The following GPR83 variants were observed in gnomAD, a reference collection of about 807,000 sequenced individuals.
The protein encoded by GPR83 is G protein-coupled receptor 83, also known as G-protein coupled receptor 72.
A neutral mutation model predicts 28.0 loss-of-function variants in GPR83; 23 were observed. The observed-to-expected ratio is 0.82, with a 90% confidence interval of 0.59 to 1.16. The LOEUF is 1.16. Ranked by LOEUF, GPR83 falls within the 50% of genes most tolerant of loss-of-function variation. The pLI is 0.00. For missense variants in GPR83, 610 were observed against 536.6 expected, an observed-to-expected ratio of 1.14 and a Z score of -1.35; for synonymous variants, 234 against 215.4, an observed-to-expected ratio of 1.09 and a Z score of -0.76.
intron 3 of GPR83, among the ~76,000 whole-genome samples, chr11:94,387,222 C>A (rs538442471): frequency 6.6e-6 from 1 of 151,980 alleles, no homozygotes; most frequent in Non-Finnish European, 1.5e-5. Flanking sequence ...ACAAGGGAAA[C>A]CAGGAAAGAT....
In GPR83 at chr11:94,388,197, C is replaced by A. The variant is rs537062473; in HGVS notation, c.647+5288G>T. 2.7e-4 allele frequency among the ~76,000 whole-genome samples: 41 copies of A among 152,268 alleles called. No individual in the cohort carries two copies. The East Asian group carries it at 7.5e-3, about 28-fold the overall frequency. ...TCAAAATAATAAGAGCTATCTATGA[C>A]AAACCCACAGCCAATATCATTCTGA... On this transcript the variant is annotated intron_variant, in intron 3 of 3. Coordinates refer to ENST00000243673, the MANE Select transcript of GPR83 (RefSeq NM_016540.4).
intron 3 of GPR83, among the ~76,000 whole-genome samples, chr11:94,383,723 A>T (rs1457263512): frequency 6.6e-6 from 1 of 152,254 alleles, no homozygotes; most frequent in Non-Finnish European, 1.5e-5. Context: ...CAAATAAACT[A>T]GAAAATCTAG....
rs757737851 is a variant in GPR83, at chr11:94,396,650, T to C, written c.388-126A>G. ...GCTCCTCCCTTCTTTCTGTCTATGA[T>C]ACTGAATTGTGGAGTAAACATGATT... is the stretch of plus-strand genomic sequence containing the variant. On this transcript the variant is annotated intron_variant, in intron 1 of 3. Coordinates refer to ENST00000243673, the MANE Select transcript of GPR83 (RefSeq NM_016540.4). 1.2e-5 allele frequency: 10 copies of C among 867,728 alleles called. No homozygotes were observed. In the Admixed American group the frequency reaches 1.2e-4, roughly 10 times the overall value. 53.8% of individuals were successfully genotyped at this position (867,728 alleles called of 1,614,324 possible). A position where few individuals can be genotyped will look rare whatever the true frequency, so the allele number is the denominator to read the frequency against.
At chr11:94,382,385 A>C (rs1944702199) in intron 3 of GPR83, among the ~76,000 whole-genome samples, 1 of 150,660 alleles carries the variant, frequency 6.6e-6, no homozygotes, top group Non-Finnish European at 1.5e-5. Context: ...TTACAATCCT[A>C]ATCTCTGATA....
intron 3 of GPR83, among the ~76,000 whole-genome samples, chr11:94,382,343 CAAAAAAAAAA>C (rs57302833): frequency 3.0e-5 from 2 of 67,302 alleles, no homozygotes; most frequent in Admixed American, 3.7e-4. Context: ...AACACCATCT[CAAAAAAAAAA>C]AAAAAAAAAA....
At position 94,401,051 on chromosome 11, in the gene GPR83, T is replaced by C. The variant is rs750479855; in HGVS notation, c.197A>G (p.Gln66Arg). Residue 66 changes from glutamine (Q) to arginine (R), a missense_variant, in exon 1 of 4, where the codon CAG (glutamine) becomes CGG (arginine). Gln to Arg is a conservative substitution (Grantham distance 43). Coordinates refer to ENST00000243673, the MANE Select transcript of GPR83 (RefSeq NM_016540.4). ...GAGCAGGGCTTTCACCGTGGGGTTC[T>C]GGGACTCAGCGCCGTAGCGCCTCCT... ...VGRRRYGAES[Q>R]NPTVKALLIV... is the part of the protein sequence containing the mutation. 1.9e-6 allele frequency: 3 copies of C among 1,614,210 alleles called. No homozygotes were observed. The highest frequency in any genetic ancestry group is 1.7e-5 in the Admixed American group (1 of 60,034).
chr11:94,380,857 CCT>C (rs1944680239), intron 3 of GPR83, 84 bp from the exon 4 acceptor site: 1 of 1,220,242 alleles, frequency 8.2e-7, no homozygotes, highest in Non-Finnish European at 1.1e-6. Flanking sequence ...GAAGCACTGG[CCT>C]CTCCTTCCAC....
chr11:94,388,568 TC>T, intron 3 of GPR83, among the ~76,000 whole-genome samples: 1 of 152,278 alleles, frequency 6.6e-6, no homozygotes, highest in South Asian at 2.1e-4. Context: ...GAACTCCCAT[TC>T]ACAATTGCTT....
At chr11:94,392,642 C>A (rs560153480) in intron 3 of GPR83, among the ~76,000 whole-genome samples, 1 of 151,858 alleles carries the variant, frequency 6.6e-6, no homozygotes, top group Admixed American at 6.6e-5. Flanking sequence ...CTGGCCAATA[C>A]GGTGAAACCC....
intron 3 of GPR83, among the ~76,000 whole-genome samples, 173 bp downstream of exon 3, chr11:94,393,312 C>G (rs1317761065): frequency 2.0e-5 from 3 of 152,152 alleles, no homozygotes; most frequent in African/African-American, 7.2e-5. Context: ...ATGTAGAGGA[C>G]AGGCATGGAC....
intron 3 of GPR83, among the ~76,000 whole-genome samples, 187 bp downstream of exon 3, chr11:94,393,298 C>G (rs946180906): frequency 6.6e-6 from 1 of 152,108 alleles, no homozygotes; most frequent in Non-Finnish European, 1.5e-5. Context: ...AGAAAGCAGA[C>G]AAAATGTAGA....
At chr11:94,385,508 C>G (rs181668153) in intron 3 of GPR83, among the ~76,000 whole-genome samples, 3 of 152,118 alleles carry the variant, frequency 2.0e-5, no homozygotes, top group African/African-American at 7.2e-5. Context: ...CTTAAAGGAC[C>G]TGATGGAGCT....
At chr11:94,400,727 G>C in intron 1 of GPR83, 134 bp downstream of exon 1, 1 of 710,556 alleles carries the variant, frequency 1.4e-6, no homozygotes, top group Non-Finnish European at 2.3e-6. Context: ...GAGGAGAAAT[G>C]AGGAGGAAGA....
chr11:94,378,262 T>A lies in GPR83; in HGVS notation c.*1887A>T, dbSNP rs192929681. ...TCATAGTTCATTACAGGGAAGCAGA[T>A]GATGTGAGCAAGTTCAGTTTCAGTT... is the stretch of plus-strand genomic sequence containing the variant. On this transcript the variant is annotated 3_prime_UTR_variant, in exon 4 of 4. Coordinates refer to ENST00000243673, the MANE Select transcript of GPR83 (RefSeq NM_016540.4). 1.3e-5 allele frequency: 2 copies of A among 152,220 alleles called. No homozygotes were observed. Among genetic ancestry groups the A allele is most frequent in the East Asian group, 1.9e-4 (1 of 5,202 alleles). The allele number at this position is 152,220 out of a possible 1,614,324, so 9.4% of individuals were successfully genotyped here.
chr11:94,393,792 C>T (rs1944841427), intron 2 of GPR83, among the ~76,000 whole-genome samples, 174 bp from the exon 3 acceptor site: 1 of 152,080 alleles, frequency 6.6e-6, no homozygotes, highest in African/African-American at 2.4e-5. Flanking sequence ...GAGACCCTGT[C>T]TCTATATATT....
intron 1 of GPR83, among the ~76,000 whole-genome samples, chr11:94,398,913 G>T (rs1944888690): frequency 6.6e-6 from 1 of 152,164 alleles, no homozygotes; most frequent in African/African-American, 2.4e-5. Flanking sequence ...AGGCTAAGCT[G>T]CTTTGGCTCA....
rs1249061201 is a variant in GPR83 at position 94,395,963 on chromosome 11, T to G, written c.513+436A>C. Reference sequence around the variant, plus strand: ...GGCCGGGCATGGTGGCTCACGTCTGTAATTCCAGCACTTTGGGAGGCTGAG... The same window carrying G: ...GGCCGGGCATGGTGGCTCACGTCTGGAATTCCAGCACTTTGGGAGGCTGAG... On this transcript the variant is annotated intron_variant, in intron 2 of 3. Coordinates refer to ENST00000243673, the MANE Select transcript of GPR83 (RefSeq NM_016540.4). Among the ~76,000 whole-genome samples the G allele has an allele frequency of 2.0e-5, 3 of 152,250 alleles. 1 individual carries two copies. Among genetic ancestry groups the G allele is most frequent in the Non-Finnish European group, 4.4e-5 (3 of 68,046 alleles).
chr11:94,390,877 T>C (rs1048758559), intron 3 of GPR83, among the ~76,000 whole-genome samples: 1 of 152,006 alleles, frequency 6.6e-6, no homozygotes, highest in Non-Finnish European at 1.5e-5. Context: ...AGAATCAATA[T>C]CATGAAAATG....
At chr11:94,400,799 G>A (rs1299281098) in intron 1 of GPR83, 62 bp downstream of exon 1, 3 of 1,527,086 alleles carry the variant, frequency 2.0e-6, no homozygotes, top group Middle Eastern at 1.8e-4. Flanking sequence ...GGAGGCCAGA[G>A]AACTGAGAGA....
Sources: gnomAD v4.1 joint callset for allele counts (sites outside exome capture counted in the v4.1 genomes callset) on GRCh38, gnomAD v4.1.1 for gene constraint, MANE v1.5 for transcripts, NCBI Gene and HGNC (gene_info 2026-07-23, HGNC 2026-07-21) for gene names.